The following GLYR1 variants were observed in gnomAD, a reference collection of about 807,000 sequenced individuals.
The protein encoded by GLYR1 is cytokine-like nuclear factor N-PAC.
In GLYR1, 21 loss-of-function variants were observed where a neutral mutation model predicts 72.7. The observed-to-expected ratio is 0.29, with a 90% CI of 0.20 to 0.42. GLYR1 has a LOEUF of 0.42. Ranked by LOEUF, GLYR1 falls within the 10% of genes least tolerant of loss-of-function variation. The probability of loss-of-function intolerance (pLI) is 1.00; values close to 1 mark genes in which losing one functional copy is unlikely to be tolerated. For synonymous variants in GLYR1, 392 were observed against 270.2 expected (o/e 1.45, Z -4.42); for missense variants, 594 against 712.1 (o/e 0.83, Z 1.89).
chr16:4,822,817 G>A lies in GLYR1; in HGVS notation c.681+58C>T, dbSNP rs886608615. 6 of 1,412,888 alleles carry A rather than the reference G, an allele frequency of 4.2e-6. No individual in the cohort carries two copies. The East Asian group carries it at 1.4e-4, about 32-fold the overall frequency. The allele number at this position is 1,412,888 out of a possible 1,614,324, so 87.5% of individuals were successfully genotyped here. On this transcript the variant is annotated intron_variant, in intron 7 of 15. Coordinates refer to ENST00000321919, the MANE Select transcript of GLYR1 (RefSeq NM_032569.4). Reference sequence around the variant, plus strand: ...CAGATGGCCAGGCCAGGACCCAGTGGAGGAGCACTCCTTGGCCAGCCCCTG... The same window carrying A: ...CAGATGGCCAGGCCAGGACCCAGTGAAGGAGCACTCCTTGGCCAGCCCCTG...
chr16:4,840,857 A>C (rs2085499420), intron 3 of GLYR1, among the ~76,000 whole-genome samples: 1 of 152,220 alleles, frequency 6.6e-6, no homozygotes, highest in African/African-American at 2.4e-5. Context: ...GCCAATCTGG[A>C]GATCTTACCT....
chr16:4,832,300 T>C (rs2084851629), intron 4 of GLYR1, 79 bp from the exon 5 acceptor site: 1 of 1,541,564 alleles, frequency 6.5e-7, no homozygotes, highest in African/African-American at 1.4e-5. Context: ...AGGTGCCATG[T>C]GCTGCTACAG....
intron 7 of GLYR1, among the ~76,000 whole-genome samples, chr16:4,822,503 G>A (rs2084101540): frequency 6.6e-6 from 1 of 151,822 alleles, no homozygotes; most frequent in East Asian, 1.9e-4. Context: ...CAATTCTCCT[G>A]CCTCAGCCTC....
intron 3 of GLYR1, 27 bp from the exon 4 acceptor site, chr16:4,832,939 T>C (rs748883838): frequency 3.7e-6 from 6 of 1,600,856 alleles, no homozygotes; most frequent in Non-Finnish European, 5.1e-6. Context: ...ACAAAAAGGG[T>C]GTGAACCATA....
rs1418934855 is a variant in GLYR1, at chr16:4,834,430, CT to C, written c.156-1519del. Among the ~76,000 whole-genome samples the C allele has an allele frequency of 2.6e-5, 4 of 151,088 alleles. No homozygotes were observed. In the East Asian group the frequency reaches 7.8e-4, roughly 29 times the overall value. ...TTCTCCTGCCTCAGCCTCCCAAGTGCTGGGATTACAGGCGTGAGCCACCACA... is the reference window on the plus strand; with the variant it reads ...TTCTCCTGCCTCAGCCTCCCAAGTGCGGGATTACAGGCGTGAGCCACCACA... On this transcript the variant is annotated intron_variant, in intron 3 of 15. Coordinates refer to ENST00000321919, the MANE Select transcript of GLYR1 (RefSeq NM_032569.4).
chr16:4,835,729 G>T (rs1346149718), intron 3 of GLYR1, among the ~76,000 whole-genome samples: 1 of 152,144 alleles, frequency 6.6e-6, no homozygotes, highest in Admixed American at 6.5e-5. Flanking sequence ...TACTCGGAAG[G>T]CTGAGACAGG....
At chr16:4,817,884 A>T in intron 9 of GLYR1, 187 bp from the exon 10 acceptor site, 1 of 584,528 alleles carries the variant, frequency 1.7e-6, no homozygotes, top group Non-Finnish European at 3.1e-6. Flanking sequence ...CTCTTATGCC[A>T]TGGTCTAAAG....
At chr16:4,826,213 A>G (rs977517034) in intron 5 of GLYR1, among the ~76,000 whole-genome samples, 1 of 152,100 alleles carries the variant, frequency 6.6e-6, no homozygotes, top group Non-Finnish European at 1.5e-5. Flanking sequence ...ACGCCCAGCT[A>G]ATTTTTTATT....
intron 5 of GLYR1, among the ~76,000 whole-genome samples, chr16:4,824,583 A>G (rs7188517): frequency 6.6e-6 from 1 of 152,002 alleles, no homozygotes. Flanking sequence ...ATAAAACCAC[A>G]TGGGGCTGAT....
intron 10 of GLYR1, among the ~76,000 whole-genome samples, 161 bp from the exon 11 acceptor site, chr16:4,814,808 G>C (rs1267301210): frequency 6.6e-6 from 1 of 152,238 alleles, no homozygotes; most frequent in Non-Finnish European, 1.5e-5. Flanking sequence ...TTTTGGGGAA[G>C]TGCACGGGGC....
chr16:4,830,125 C>G lies in GLYR1; in HGVS notation c.537+1854G>C, dbSNP rs1174266376. On this transcript the variant is annotated intron_variant, in intron 5 of 15. Transcript: ENST00000321919. Reference sequence around the variant, plus strand: ...GGCCAATTTTTTAGTTTTTGTAGAGCTAGTCTTCAACTCCTAAGCTCAAGC... The same window carrying G: ...GGCCAATTTTTTAGTTTTTGTAGAGGTAGTCTTCAACTCCTAAGCTCAAGC... 2.6e-5 allele frequency among the ~76,000 whole-genome samples: 4 copies of G among 151,656 alleles called. No homozygotes were observed. The South Asian group carries it at 8.3e-4, about 31-fold the overall frequency.
At chr16:4,817,837 T>C (rs2083747805) in intron 9 of GLYR1, 140 bp from the exon 10 acceptor site, 1 of 649,668 alleles carries the variant, frequency 1.5e-6, no homozygotes, top group Non-Finnish European at 2.8e-6. Context: ...GTGGCCAATC[T>C]ACCTGCAGAG....
chr16:4,837,165 G>A (rs943380746), intron 3 of GLYR1, among the ~76,000 whole-genome samples: 2 of 152,088 alleles, frequency 1.3e-5, no homozygotes, highest in East Asian at 1.9e-4. Flanking sequence ...GGCCCGGTGC[G>A]GTGGCTCATG....
chr16:4,808,414 T>C (rs2083126021), intron 15 of GLYR1, among the ~76,000 whole-genome samples: 2 of 151,796 alleles, frequency 1.3e-5, no homozygotes, highest in South Asian at 2.1e-4. Context: ...CTGGCCAACA[T>C]GGTGAAACCG....
intron 5 of GLYR1, among the ~76,000 whole-genome samples, chr16:4,830,081 G>A (rs1323853826): frequency 1.3e-5 from 2 of 152,064 alleles, no homozygotes; most frequent in African/African-American, 4.8e-5. Context: ...TAGGATTACA[G>A]GTGTGAGCTA....
intron 15 of GLYR1, among the ~76,000 whole-genome samples, chr16:4,810,814 A>T (rs769416197): frequency 6.6e-6 from 1 of 150,772 alleles, no homozygotes; most frequent in Non-Finnish European, 1.5e-5. Context: ...AAAGAAAAAG[A>T]AACTGAATGG....
chr16:4,825,988 G>A (rs777488140), intron 5 of GLYR1, among the ~76,000 whole-genome samples: 1 of 152,108 alleles, frequency 6.6e-6, no homozygotes, highest in Non-Finnish European at 1.5e-5. Flanking sequence ...GAAAACTAAG[G>A]CACACAGAGC....
chr16:4,846,781 C>A (rs1286117562), intron 1 of GLYR1: 2 of 252,010 alleles, frequency 7.9e-6, no homozygotes, highest in East Asian at 2.6e-4. Context: ...TTTAGACAAC[C>A]CCGGCTGAGC....
intron 3 of GLYR1, among the ~76,000 whole-genome samples, chr16:4,837,751 G>A (rs1445335010): frequency 6.6e-6 from 1 of 151,930 alleles, no homozygotes; most frequent in Non-Finnish European, 1.5e-5. Flanking sequence ...GGCCAACACG[G>A]TGAAACCCTG....
Sources: gnomAD v4.1 joint callset for allele counts (sites outside exome capture counted in the v4.1 genomes callset) on GRCh38, gnomAD v4.1.1 for gene constraint, MANE v1.5 for transcripts, NCBI Gene and HGNC (gene_info 2026-07-23, HGNC 2026-07-21) for gene names.